Variants in METAP2 observed in about 807,000 individuals in gnomAD.
METAP2 encodes the protein methionyl aminopeptidase 2.
Under a neutral mutation model 59.4 loss-of-function variants are expected in METAP2, and 25 were observed. The observed-to-expected ratio is 0.42, with a 90% CI of 0.31 to 0.59. The LOEUF is 0.59. Ranked by LOEUF, METAP2 falls within the 20% of genes least tolerant of loss-of-function variation. The pLI is 0.16. For synonymous variants in METAP2, 214 were observed against 194.1 expected (o/e 1.10, Z -0.85); for missense variants, 366 against 581.2 (o/e 0.63, Z 3.81).
intron 4 of METAP2, 39 bp downstream of exon 4, chr12:95,486,020 A>G: frequency 7.4e-7 from 1 of 1,347,330 alleles, no homozygotes; most frequent in Non-Finnish European, 1.0e-6. Context: ...AATTTCTGAC[A>G]GTTATAGCTT....
At chr12:95,494,936 C>T in intron 5 of METAP2, 21 bp from the exon 6 acceptor site, 1 of 1,593,746 alleles carries the variant, frequency 6.3e-7, no homozygotes, top group Non-Finnish European at 8.6e-7. Flanking sequence ...TAAACAAGTT[C>T]CCTTTGCTTT....
At chr12:95,480,027 A>G (rs1207095877) in intron 2 of METAP2, among the ~76,000 whole-genome samples, 1 of 152,198 alleles carries the variant, frequency 6.6e-6, no homozygotes, top group Non-Finnish European at 1.5e-5. Flanking sequence ...CATCTCCAGA[A>G]AAAAGTTGTG....
At chr12:95,511,055 G>A (rs1465598380) in intron 8 of METAP2, among the ~76,000 whole-genome samples, 1 of 152,030 alleles carries the variant, frequency 6.6e-6, no homozygotes, top group African/African-American at 2.4e-5. Context: ...GCCACAATTT[G>A]TCTATTCTGT....
intron 8 of METAP2, among the ~76,000 whole-genome samples, chr12:95,511,376 C>G (rs1483082552): frequency 6.8e-6 from 1 of 147,968 alleles, no homozygotes; most frequent in African/African-American, 2.5e-5. Flanking sequence ...CTTCCATCCT[C>G]CCTTCTAGCA....
At chr12:95,486,586 C>T (rs1268718732) in intron 4 of METAP2, among the ~76,000 whole-genome samples, 2 of 151,930 alleles carry the variant, frequency 1.3e-5, no homozygotes, top group African/African-American at 2.4e-5. Flanking sequence ...CAACCTCTGC[C>T]TCCCGGGTTC....
intron 2 of METAP2, among the ~76,000 whole-genome samples, 176 bp from the exon 3 acceptor site, chr12:95,483,039 A>G (rs1039151520): frequency 4.6e-5 from 7 of 152,200 alleles, no homozygotes; most frequent in Non-Finnish European, 8.8e-5. Context: ...ATGTGCCACC[A>G]CACCTGGTAG....
chr12:95,487,553 A>G (rs1212342995), intron 4 of METAP2, among the ~76,000 whole-genome samples: 1 of 151,278 alleles, frequency 6.6e-6, no homozygotes, highest in African/African-American at 2.4e-5. Flanking sequence ...TATAGTACAT[A>G]TGATGTGATC....
At chr12:95,496,622 C>T (rs11108073) in intron 7 of METAP2, among the ~76,000 whole-genome samples, 2 of 151,962 alleles carry the variant, frequency 1.3e-5, no homozygotes, top group South Asian at 2.1e-4. Context: ...TATAATGACA[C>T]GCATCTACCA....
chr12:95,476,027 A>G (rs2140135340), intron 1 of METAP2, 44 bp from the exon 2 acceptor site: 2 of 1,169,366 alleles, frequency 1.7e-6, no homozygotes, highest in East Asian at 2.4e-5. Flanking sequence ...CTAGTGGGAA[A>G]GTGTCTGTAT....
At chr12:95,484,339 G>C (rs969371559) in intron 3 of METAP2, among the ~76,000 whole-genome samples, 3 of 151,706 alleles carry the variant, frequency 2.0e-5, no homozygotes, top group Non-Finnish European at 4.4e-5. Context: ...GGGCCCATGA[G>C]TCTGTATTTG....
At chr12:95,509,871 C>G (rs1386943089) in intron 8 of METAP2, among the ~76,000 whole-genome samples, 28 of 129,206 alleles carry the variant, frequency 2.2e-4, no homozygotes. Flanking sequence ...TTTTTTGAGA[C>G]TCTGTCGCCC....
At chr12:95,502,892 ATTTCTTTTTCTTTT>A (rs2076327005) in intron 7 of METAP2, among the ~76,000 whole-genome samples, 1 of 147,480 alleles carries the variant, frequency 6.8e-6, no homozygotes, top group African/African-American at 2.5e-5. Flanking sequence ...AGCTCCAGAA[ATTTCTTTTTCTTTT>A]AGGTTTTCTA....
rs149421845 is a variant in METAP2 at position 95,509,016 on chromosome 12, A to G, written c.965-2879A>G. Among the ~76,000 whole-genome samples the G allele has an allele frequency of 7.9e-3, 1,197 of 152,332 alleles. 10 individuals carry two copies. Among genetic ancestry groups the G allele is most frequent in the Non-Finnish European group, 0.012 (801 of 68,030 alleles). ...TCCAGAACAAATCAAAACACATAGC[A>G]CAAACGGGCCATCAAAGGAGTATCT... On this transcript the variant is annotated intron_variant, in intron 8 of 10. Coordinates refer to ENST00000323666, the MANE Select transcript of METAP2 (RefSeq NM_006838.4).
chr12:95,482,566 G>A (rs758746638), intron 2 of METAP2, among the ~76,000 whole-genome samples: 35 of 150,636 alleles, frequency 2.3e-4, no homozygotes, highest in South Asian at 6.3e-4. Flanking sequence ...ATCACTTGAT[G>A]TCAGGAGTTC....
chr12:95,487,283 G>A (rs1225146471), intron 4 of METAP2, among the ~76,000 whole-genome samples: 1 of 151,888 alleles, frequency 6.6e-6, no homozygotes, highest in Non-Finnish European at 1.5e-5. Context: ...AGCTTCTACT[G>A]TAGCTCTTGT....
At chr12:95,511,742 C>A (rs2076404542) in intron 8 of METAP2, among the ~76,000 whole-genome samples, 153 bp from the exon 9 acceptor site, 1 of 152,098 alleles carries the variant, frequency 6.6e-6, no homozygotes, top group Non-Finnish European at 1.5e-5. Context: ...CCACTAGATT[C>A]CAGTTTATAT....
intron 7 of METAP2, among the ~76,000 whole-genome samples, chr12:95,501,819 CTT>C (rs547631132): frequency 6.9e-6 from 1 of 144,566 alleles, no homozygotes. Context: ...TACAATTGGC[CTT>C]TTTTTTTTTA....
At chr12:95,505,610 T>A (rs918446014) in intron 8 of METAP2, among the ~76,000 whole-genome samples, 9 of 152,070 alleles carry the variant, frequency 5.9e-5, no homozygotes, top group Non-Finnish European at 1.2e-4. Context: ...TTCTCCTACC[T>A]CAGCCTCCTG....
intron 7 of METAP2, among the ~76,000 whole-genome samples, chr12:95,501,905 G>A (rs2076318991): frequency 6.6e-6 from 1 of 150,654 alleles, no homozygotes; most frequent in African/African-American, 2.4e-5. Context: ...CATTTCTTGA[G>A]CACTTCTTGC....
Sources: gnomAD v4.1 joint callset for allele counts (sites outside exome capture counted in the v4.1 genomes callset) on GRCh38, gnomAD v4.1.1 for gene constraint, MANE v1.5 for transcripts, NCBI Gene and HGNC (gene_info 2026-07-23, HGNC 2026-07-21) for gene names.